The following DTL variants were observed in gnomAD, a reference collection of about 807,000 sequenced individuals.
The protein encoded by DTL is denticleless E3 ubiquitin protein ligase adapter.
A neutral mutation model predicts 87.0 loss-of-function variants in DTL; 46 were observed. The ratio of observed to expected loss-of-function variants is 0.53; its 90% CI spans 0.42 to 0.68. The LOEUF is 0.68. DTL is among the 30% of genes least tolerant of loss of function. The pLI, the probability that DTL is intolerant of heterozygous loss-of-function variation, is 0.00. For missense variants in DTL, 737 were observed against 869.4 expected, an observed-to-expected ratio of 0.85 and a Z score of 1.91; for synonymous variants, 308 against 311.2, an observed-to-expected ratio of 0.99 and a Z score of 0.11.
At chr1:212,048,418 C>T (rs923362225) in intron 5 of DTL, among the ~76,000 whole-genome samples, 11 of 152,090 alleles carry the variant, frequency 7.2e-5, no homozygotes, top group Admixed American at 6.5e-5. Context: ...ATCTTGAACT[C>T]CTGACCTCGT....
intron 5 of DTL, among the ~76,000 whole-genome samples, chr1:212,056,479 C>A (rs1668183097): frequency 6.6e-6 from 1 of 152,156 alleles, no homozygotes; most frequent in Admixed American, 6.5e-5. Flanking sequence ...ACCATAGATA[C>A]ATCTTCAGGA....
intron 5 of DTL, among the ~76,000 whole-genome samples, chr1:212,049,731 A>T (rs1017572554): frequency 6.6e-6 from 1 of 152,236 alleles, no homozygotes; most frequent in African/African-American, 2.4e-5. Flanking sequence ...TTGCAACTAA[A>T]CATGGAAGCC....
Position 212,041,537 on chromosome 1 carries a change from G to T in DTL, c.53-1456G>T, listed in dbSNP as rs552342916. The stretch of plus-strand genomic sequence containing the variant: ...GGGTGGGGGGTGGGGACGGAGTGTC[G>T]CTGTGTTGCCCAGGCTGGAGTGCAG... On this transcript the variant is annotated intron_variant, in intron 1 of 14. Transcript: ENST00000366991. Among the ~76,000 whole-genome samples the T allele has an allele frequency of 4.9e-3, 739 of 150,656 alleles. 9 individuals carry two copies. The highest frequency in any genetic ancestry group is 0.017 in the African/African-American group (713 of 41,082).
intron 5 of DTL, among the ~76,000 whole-genome samples, chr1:212,053,138 CTCT>C (rs1558074350): frequency 2.0e-5 from 3 of 152,134 alleles, no homozygotes; most frequent in African/African-American, 4.8e-5. Context: ...ATTTTTCTCT[CTCT>C]TCTTCAAATT....
At chr1:212,100,231 T>C (rs1165643977) in intron 13 of DTL, 21 bp from the exon 14 acceptor site, 1 of 1,500,558 alleles carries the variant, frequency 6.7e-7, no homozygotes. Context: ...CTGATCTTCA[T>C]GATCCTCTCC....
chr1:212,071,816 T>C (rs1341523108), intron 10 of DTL, among the ~76,000 whole-genome samples: 1 of 152,180 alleles, frequency 6.6e-6, no homozygotes, highest in Non-Finnish European at 1.5e-5. Flanking sequence ...GGCTGGATTC[T>C]TTTTTTAAGG....
chr1:212,067,576 C>T (rs1176008020), intron 8 of DTL, among the ~76,000 whole-genome samples: 1 of 152,140 alleles, frequency 6.6e-6, no homozygotes, highest in Non-Finnish European at 1.5e-5. Flanking sequence ...ATTGTGTCCT[C>T]TGGGCACTAA....
chr1:212,099,151 C>G (rs1655536472), intron 13 of DTL, among the ~76,000 whole-genome samples: 1 of 152,216 alleles, frequency 6.6e-6, no homozygotes, highest in Non-Finnish European at 1.5e-5. Flanking sequence ...TTTCAGTTCT[C>G]CTTCTCCCAT....
Position 212,072,100 on chromosome 1 carries a change from G to A in DTL, c.923-1G>A, listed in dbSNP as rs1319519135. On this transcript the variant is annotated splice_acceptor_variant, in intron 10 of 14. Transcript: ENST00000366991. LOFTEE classifies it high-confidence loss of function. The stretch of plus-strand genomic sequence containing the variant: ...GTAATTTGGTTTTTTTCCTCTGGCA[G>A]TGGCTATTTTCAATGGACACCAGAA... 6.2e-7 allele frequency: 1 copy of A among 1,613,312 alleles called. No individual in the cohort carries two copies. Among genetic ancestry groups the A allele is most frequent in the East Asian group, 2.2e-5 (1 of 44,832 alleles).
intron 13 of DTL, among the ~76,000 whole-genome samples, chr1:212,081,890 C>T (rs1453213601): frequency 1.3e-5 from 2 of 152,122 alleles, no homozygotes; most frequent in African/African-American, 4.8e-5. Context: ...ATTAAACACC[C>T]AAATGGACAT....
intron 13 of DTL, among the ~76,000 whole-genome samples, chr1:212,093,310 G>T (rs1458153592): frequency 6.6e-6 from 1 of 152,298 alleles, no homozygotes; most frequent in South Asian, 2.1e-4. Flanking sequence ...GTTACAGTGT[G>T]CTCTTTTAGT....
chr1:212,036,437 T>C (rs1482720472), intron 1 of DTL, among the ~76,000 whole-genome samples: 2 of 152,146 alleles, frequency 1.3e-5, no homozygotes, highest in Admixed American at 6.5e-5. Flanking sequence ...AGGAACAAAA[T>C]CTTATTTTCC....
At chr1:212,047,067 C>T (rs1667827930) in intron 3 of DTL, 84 bp from the exon 4 acceptor site, 1 of 1,252,802 alleles carries the variant, frequency 8.0e-7, no homozygotes, top group Admixed American at 1.8e-5. Context: ...ACTACTACAG[C>T]TTTCCAGGCA....
chr1:212,085,697 A>G (rs1655112669), intron 13 of DTL, among the ~76,000 whole-genome samples: 1 of 152,214 alleles, frequency 6.6e-6, no homozygotes, highest in Non-Finnish European at 1.5e-5. Context: ...TTGATGTTAA[A>G]TCAAAGAAAC....
At chr1:212,093,463 T>G (rs1173091427) in intron 13 of DTL, among the ~76,000 whole-genome samples, 1 of 152,124 alleles carries the variant, frequency 6.6e-6, no homozygotes, top group Non-Finnish European at 1.5e-5. Context: ...AGAATTTGAG[T>G]GCAAGGTTCC....
At chr1:212,077,489 GAAA>G (rs1193842010) in intron 11 of DTL, 1 of 152,288 alleles carries the variant, frequency 6.6e-6, no homozygotes, top group African/African-American at 2.4e-5. Context: ...AGTTTTAGAG[GAAA>G]AAAATGTTTT....
At chr1:212,080,156 A>G (rs1052336091) in intron 12 of DTL, among the ~76,000 whole-genome samples, 5 of 152,208 alleles carry the variant, frequency 3.3e-5, no homozygotes, top group African/African-American at 1.2e-4. Flanking sequence ...TACTAGAGTC[A>G]TGGGCCAAGT....
chr1:212,076,451 GTATTTAGGGGGT>G (rs1170746787), intron 11 of DTL, among the ~76,000 whole-genome samples: 3 of 152,090 alleles, frequency 2.0e-5, no homozygotes, highest in Non-Finnish European at 4.4e-5. Flanking sequence ...CTATTGGTGG[GTATTTAGGGGGT>G]TTTTTGAAAC....
Position 212,087,299 on chromosome 1 carries a change from C to T in DTL, c.1261+6549C>T, listed in dbSNP as rs1269252190. On this transcript the variant is annotated intron_variant, in intron 13 of 14. Transcript: ENST00000366991. Reference sequence around the variant, plus strand: ...GTGCGGTGGCTCACGCCTGTAATCCCAGCACTTTGGGAGGCCGAGTGGGTG... The same window carrying T: ...GTGCGGTGGCTCACGCCTGTAATCCTAGCACTTTGGGAGGCCGAGTGGGTG... 2.0e-5 allele frequency among the ~76,000 whole-genome samples: 3 copies of T among 152,270 alleles called. No individual in the cohort carries two copies. In the East Asian group the frequency reaches 5.8e-4, roughly 29 times the overall value.
Sources: gnomAD v4.1 joint callset for allele counts (sites outside exome capture counted in the v4.1 genomes callset) on GRCh38, gnomAD v4.1.1 for gene constraint, MANE v1.5 for transcripts, NCBI Gene and HGNC (gene_info 2026-07-23, HGNC 2026-07-21) for gene names.